TRPM3: variants seen among roughly 807,000 people sequenced by gnomAD.
TRPM3 encodes the protein transient receptor potential cation channel subfamily M member 3, also known as long transient receptor potential channel 3.
Under a neutral mutation model 181.2 loss-of-function variants are expected in TRPM3, and 77 were observed. The observed-to-expected ratio is 0.42, with a 90% confidence interval of 0.35 to 0.51. TRPM3 has a LOEUF of 0.51. Ranked by LOEUF, TRPM3 falls within the 20% of genes least tolerant of loss-of-function variation. The pLI is 0.01. For synonymous variants in TRPM3, 745 were observed against 796.4 expected (o/e 0.94, Z 1.09); for missense variants, 1,759 against 2,196.7 (o/e 0.80, Z 3.98).
chr9:71,161,000 C>T (rs1375140947), intron 1 of TRPM3, among the ~76,000 whole-genome samples: 3 of 152,080 alleles, frequency 2.0e-5, no homozygotes, highest in African/African-American at 4.8e-5. Flanking sequence ...GGGAAGTTTC[C>T]TCCTTGCTGT....
In TRPM3 at chr9:71,305,359, T is replaced by C. The variant is rs115548849; in HGVS notation, c.183+141294A>G. 7.5e-3 allele frequency among the ~76,000 whole-genome samples: 1,140 copies of C among 152,256 alleles called. 16 individuals carry two copies. The highest frequency in any genetic ancestry group is 0.026 in the African/African-American group (1,096 of 41,532). The stretch of plus-strand genomic sequence containing the variant: ...TAGCAAAAATAAACCTTTCCAGGAA[T>C]GGTGAGCCTCATAAAATGACTGCAT... On this transcript the variant is annotated intron_variant, in intron 1 of 24. Coordinates refer to the TRPM3 transcript ENST00000357533.
At chr9:71,392,448 A>AT (rs2093084426) in intron 1 of TRPM3, among the ~76,000 whole-genome samples, 1 of 152,056 alleles carries the variant, frequency 6.6e-6, no homozygotes, top group Admixed American at 6.6e-5. Context: ...ACAACTTCGA[A>AT]TTGGATAACT....
rs116880661 is a variant in TRPM3, at chr9:71,059,257, C to G, written c.177+61921G>C. On this transcript the variant is annotated intron_variant, in intron 1 of 25. Transcript: ENST00000677713. ...GATTTCCCTTGTTGCCAGGCTCCCTCTGCCTGAACTTCTCTAGGAGATTTC... is the reference window on the plus strand; with the variant it reads ...GATTTCCCTTGTTGCCAGGCTCCCTGTGCCTGAACTTCTCTAGGAGATTTC... 7.5e-3 allele frequency among the ~76,000 whole-genome samples: 1,143 copies of G among 152,014 alleles called. 7 individuals carry two copies. Among genetic ancestry groups the G allele is most frequent in the Non-Finnish European group, 0.012 (796 of 67,934 alleles).
At position 70,536,625 on chromosome 9, in the gene TRPM3, GT is replaced by G; in HGVS notation, c.4487del (p.Asn1496ThrfsTer22). On this transcript the variant is annotated frameshift_variant, in exon 26 of 26. Transcript: ENST00000677713. LOFTEE classifies it high-confidence loss of function. ...ACATCGGAGGCTCTGAGTCCCAGGG[GT>G]TTTGGCATTCTGGGAGGTGGGTGTA... ...SDYTHLPECQ[N>X]PWDSEPPMYH... The G allele has an allele frequency of 6.2e-7, 1 of 1,614,080 alleles. No individual in the cohort carries two copies. The highest frequency in any genetic ancestry group is 8.5e-7 in the Non-Finnish European group (1 of 1,180,012).
chr9:70,826,072 T>G (rs975651036), intron 6 of TRPM3: 3 of 152,286 alleles, frequency 2.0e-5, no homozygotes, highest in African/African-American at 7.2e-5. Context: ...AGTACTGAAC[T>G]TGACCCTGAA....
At chr9:71,420,417 G>A (rs369218802) in intron 1 of TRPM3, among the ~76,000 whole-genome samples, 7 of 151,828 alleles carry the variant, frequency 4.6e-5, no homozygotes, top group African/African-American at 1.7e-4. Context: ...AGCAGAATAT[G>A]CCACCCTAAA....
chr9:70,930,236 G>A (rs1483706489), intron 1 of TRPM3, among the ~76,000 whole-genome samples: 2 of 152,068 alleles, frequency 1.3e-5, no homozygotes, highest in African/African-American at 4.8e-5. Context: ...AAAGTGCCTA[G>A]CATATTGCCT....
chr9:71,197,541 T>C (rs1762888550), intron 1 of TRPM3, among the ~76,000 whole-genome samples: 1 of 151,912 alleles, frequency 6.6e-6, no homozygotes, highest in Non-Finnish European at 1.5e-5. Flanking sequence ...TGTTGTTTCC[T>C]GACTTTTTAA....
chr9:70,809,129 T>TA (rs2091342767), intron 6 of TRPM3, among the ~76,000 whole-genome samples: 1 of 152,204 alleles, frequency 6.6e-6, no homozygotes, highest in African/African-American at 2.4e-5. Context: ...GCTCATAGAA[T>TA]AAGCAAATGA....
intron 1 of TRPM3, among the ~76,000 whole-genome samples, chr9:71,189,196 C>A (rs1389411914): frequency 6.6e-6 from 1 of 151,780 alleles, no homozygotes; most frequent in Non-Finnish European, 1.5e-5. Context: ...AACTCAAACA[C>A]CCAAAAAGAA....
At chr9:71,445,194 T>C (rs988801403) in intron 1 of TRPM3, among the ~76,000 whole-genome samples, 1 of 152,202 alleles carries the variant, frequency 6.6e-6, no homozygotes, top group African/African-American at 2.4e-5. Flanking sequence ...CACACACCTG[T>C]TGAACAGAAT....
chr9:70,932,983 T>C (rs1564792471), intron 1 of TRPM3, among the ~76,000 whole-genome samples: 1 of 152,094 alleles, frequency 6.6e-6, no homozygotes, highest in African/African-American at 2.4e-5. Flanking sequence ...TTAGAGGTAA[T>C]TTCAGTAAGA....
chr9:71,103,891 A>G (rs1329748), intron 1 of TRPM3, among the ~76,000 whole-genome samples: 48,169 of 151,710 alleles, frequency 0.32, 8,643 homozygotes, highest in Middle Eastern at 0.41. Flanking sequence ...GAAATAATGG[A>G]GCAGATGATC....
intron 1 of TRPM3, among the ~76,000 whole-genome samples, chr9:70,940,454 C>T (rs2096874882): frequency 6.6e-6 from 1 of 152,188 alleles, no homozygotes; most frequent in African/African-American, 2.4e-5. Context: ...CAATTTCTTG[C>T]TCTTGCTGGT....
intron 1 of TRPM3, among the ~76,000 whole-genome samples, chr9:70,971,368 T>C (rs930481615): frequency 2.0e-5 from 3 of 152,148 alleles, no homozygotes; most frequent in African/African-American, 7.2e-5. Context: ...TCTTGCCCTT[T>C]TTAATGCCTT....
Position 70,635,236 on chromosome 9 carries a change from T to C in TRPM3, c.1607A>G (p.Tyr536Cys), listed in dbSNP as rs775625611. The C allele has an allele frequency of 2.5e-6, 4 of 1,613,810 alleles. No individual in the cohort carries two copies. The highest frequency in any genetic ancestry group is 3.4e-6 in the Non-Finnish European group (4 of 1,179,926). Residue 536 changes from tyrosine (Y) to cysteine (C), a missense_variant, in exon 12 of 26, where the codon TAC becomes TGC. Tyr to Cys is a radical substitution (Grantham distance 194, BLOSUM62 -2). This residue lies in a region of TRPM3 where 737 missense variants were observed against 957.4 expected (regional missense o/e 0.77). Coordinates refer to ENST00000677713, the MANE Select transcript of TRPM3 (RefSeq NM_001366145.2). ...CTTTTTGACATCCCTGACCAAGTGG[T>C]ACAATGTATTTGAGGGCCCATGTCT... is the stretch of plus-strand genomic sequence containing the variant. ...NTRHGPSNTL[Y>C]HLVRDVKKRE...
intron 14 of TRPM3, among the ~76,000 whole-genome samples, chr9:70,623,673 T>C (rs2063999230): frequency 6.7e-6 from 1 of 149,370 alleles, no homozygotes; most frequent in Non-Finnish European, 1.5e-5. Context: ...ACCGTTTTAC[T>C]TAAGAATGGC....
intron 1 of TRPM3, among the ~76,000 whole-genome samples, chr9:71,398,210 A>AT (rs2093246866): frequency 6.6e-6 from 1 of 152,166 alleles, no homozygotes; most frequent in South Asian, 2.1e-4. Context: ...TTGAAAAGAT[A>AT]TTTTTTAGGC....
chr9:71,201,891 G>A (rs1247557763), intron 1 of TRPM3, among the ~76,000 whole-genome samples: 17 of 152,208 alleles, frequency 1.1e-4, no homozygotes, highest in Admixed American at 9.8e-4. Context: ...TTCCTTTGGA[G>A]GAGGAGAGGC....
Sources: allele counts gnomAD v4.1 joint callset (sites outside exome capture counted in the v4.1 genomes callset), GRCh38; gene constraint gnomAD v4.1.1; regional missense constraint gnomAD v4.1.1; transcripts MANE v1.5; gene names NCBI Gene and HGNC (gene_info 2026-07-23, HGNC 2026-07-21).